The following PDGFRB variants were observed in gnomAD, a reference collection of about 807,000 sequenced individuals.
The protein encoded by PDGFRB is platelet-derived growth factor receptor beta.
A neutral mutation model predicts 120.2 loss-of-function variants in PDGFRB; 42 were observed. The observed-to-expected ratio is 0.35, with a 90% CI of 0.27 to 0.45. The LOEUF (loss-of-function observed/expected upper bound fraction) is 0.45, where lower values mean the gene tolerates loss of function less well. Among genes scored for constraint, PDGFRB ranks in the 20% least tolerant of loss-of-function variants. PDGFRB has a pLI of 1.00. For missense variants in PDGFRB, 1,149 were observed against 1,476.3 expected (o/e 0.78, Z 3.63); for synonymous variants, 586 against 606.8 (o/e 0.97, Z 0.50).
At chr5:150,137,210 A>G (rs745682944) in intron 1 of PDGFRB, 157 bp from the exon 2 acceptor site, 24 of 603,112 alleles carry the variant, frequency 4.0e-5, no homozygotes, top group Non-Finnish European at 7.1e-5. Flanking sequence ...CAAGCCTGAA[A>G]GGGCACTCAT....
intron 1 of PDGFRB, among the ~76,000 whole-genome samples, chr5:150,142,309 C>G (rs1760805632): frequency 6.6e-6 from 1 of 152,166 alleles, no homozygotes; most frequent in Non-Finnish European, 1.5e-5. Flanking sequence ...GGCTCAAGGC[C>G]CCAGGCTTCA....
intron 1 of PDGFRB, among the ~76,000 whole-genome samples, chr5:150,149,447 A>G (rs1419882539): frequency 1.3e-5 from 2 of 152,210 alleles, no homozygotes; most frequent in African/African-American, 4.8e-5. Flanking sequence ...GTACTCATGA[A>G]GCCATCTCTG....
intron 1 of PDGFRB, among the ~76,000 whole-genome samples, chr5:150,144,134 C>A (rs111239507): frequency 9.2e-5 from 14 of 152,146 alleles, no homozygotes; most frequent in Admixed American, 7.2e-4. Context: ...CCCTGCACCC[C>A]CTCCTCCAGC....
intron 12 of PDGFRB, 48 bp from the exon 13 acceptor site, chr5:150,124,879 C>G (rs1760250411): frequency 1.1e-6 from 1 of 919,748 alleles, no homozygotes; most frequent in African/African-American, 1.7e-5. Context: ...GGAAGCTGCA[C>G]CGCTCCCCCA....
chr5:150,127,852 A>AAAAAC (rs1760341903), intron 10 of PDGFRB, among the ~76,000 whole-genome samples: 2 of 150,498 alleles, frequency 1.3e-5, no homozygotes, highest in Non-Finnish European at 3.0e-5. Flanking sequence ...AAAAAAAAAA[A>AAAAAC]AAAAAAACTT....
At chr5:150,155,016 G>C (rs1451875342) in intron 1 of PDGFRB, among the ~76,000 whole-genome samples, 1 of 152,154 alleles carries the variant, frequency 6.6e-6, no homozygotes, top group African/African-American at 2.4e-5. Context: ...GAGGTCCCCA[G>C]TCCCCTGCTT....
intron 1 of PDGFRB, among the ~76,000 whole-genome samples, chr5:150,140,485 C>G (rs549166595): frequency 1.3e-5 from 2 of 152,334 alleles, no homozygotes; most frequent in Admixed American, 1.3e-4. Flanking sequence ...CCAGGAACCC[C>G]TCCTGATTCC....
At chr5:150,125,605 AT>A (rs1760273412) in intron 11 of PDGFRB, 28 bp from the exon 12 acceptor site, 1 of 1,612,470 alleles carries the variant, frequency 6.2e-7, no homozygotes. Flanking sequence ...GGAATTAGTT[AT>A]CAGAGGGAGT....
chr5:150,123,881 G>A (rs1020046580), intron 14 of PDGFRB, among the ~76,000 whole-genome samples: 1 of 152,192 alleles, frequency 6.6e-6, no homozygotes, highest in Non-Finnish European at 1.5e-5. Flanking sequence ...ATCAAATGAA[G>A]GTAGCTCCCA....
At chr5:150,118,550 T>C (rs1017299922) in intron 21 of PDGFRB, among the ~76,000 whole-genome samples, 197 bp downstream of exon 21, 1 of 152,186 alleles carries the variant, frequency 6.6e-6, no homozygotes, top group Non-Finnish European at 1.5e-5. Flanking sequence ...TAGGATTCCA[T>C]TTCATAAAGC....
chr5:150,127,856 A>AAC lies in PDGFRB; in HGVS notation c.1580-1243_1580-1242insGT, dbSNP rs1168063822. Among the ~76,000 whole-genome samples, 26 of 150,866 alleles carry AAC rather than the reference A, an allele frequency of 1.7e-4. 1 individual carries two copies. The highest frequency in any genetic ancestry group is 6.1e-4 in the African/African-American group (25 of 41,124). On this transcript the variant is annotated intron_variant, in intron 10 of 22. Transcript: ENST00000261799. ...CTTAAAAAAAAAAAAAAAAAAAAAA[A>AAC]AAACTTTGGATGCTTCCCCATGTTA... is the stretch of plus-strand genomic sequence containing the variant.
chr5:150,133,802 C>T (rs2113908904), intron 5 of PDGFRB, 42 bp from the exon 6 acceptor site: 3 of 1,611,920 alleles, frequency 1.9e-6, no homozygotes, highest in Non-Finnish European at 2.5e-6. Context: ...TCAGGAGGGG[C>T]CGGGGAGAAA....
At chr5:150,127,833 TAAAAAAAAAA>T (rs56899708) in intron 10 of PDGFRB, among the ~76,000 whole-genome samples, 1 of 62,434 alleles carries the variant, frequency 1.6e-5, no homozygotes, top group East Asian at 4.5e-4. Flanking sequence ...GACTCCATCT[TAAAAAAAAAA>T]AAAAAAAAAA....
At chr5:150,119,332 T>C (rs2113886663) in intron 20 of PDGFRB, 135 bp downstream of exon 20, 1 of 687,456 alleles carries the variant, frequency 1.5e-6, no homozygotes, top group East Asian at 2.5e-5. Flanking sequence ...ATCCTTTGAA[T>C]GGCTGGATCC....
intron 1 of PDGFRB, among the ~76,000 whole-genome samples, chr5:150,137,750 C>G (rs1198126825): frequency 6.6e-6 from 1 of 152,156 alleles, no homozygotes; most frequent in African/African-American, 2.4e-5. Flanking sequence ...AAGCCAGGCT[C>G]CCCCCACCCC....
chr5:150,121,818 TG>T lies in PDGFRB; in HGVS notation c.2344+61del. ...TTCTTCTCAGGGTTTTTGGCAAGGC[TG>T]GGCATGTGAAGAGCATCAGCCTGTT... On this transcript the variant is annotated intron_variant, in intron 16 of 22. Coordinates refer to ENST00000261799, the MANE Select transcript of PDGFRB (RefSeq NM_002609.4). This position sits in a 1 kb window ranked among gnomAD's most constrained non-coding sequence, Gnocchi z 4.1. 7.7e-7 allele frequency: 1 copy of T among 1,305,026 alleles called. No homozygotes were observed. The highest frequency in any genetic ancestry group is 1.1e-6 in the Non-Finnish European group (1 of 908,846). The allele number at this position is 1,305,026 out of a possible 1,614,324, so 80.8% of individuals were successfully genotyped here.
intron 3 of PDGFRB, 32 bp downstream of exon 3, chr5:150,135,522 TA>T: frequency 7.3e-7 from 1 of 1,378,398 alleles, no homozygotes; most frequent in Non-Finnish European, 1.0e-6. Context: ...ACAAGAGGGG[TA>T]AGGAGTGGGC....
In PDGFRB at chr5:150,155,707, G is replaced by C. The variant is rs574047167; in HGVS notation, c.-317C>G. 22 of 398,502 alleles carry C rather than the reference G, an allele frequency of 5.5e-5. No individual in the cohort carries two copies. The highest frequency in any genetic ancestry group is 9.7e-5 in the Non-Finnish European group (22 of 226,100). The allele number at this position is 398,502 out of a possible 1,614,324, so 24.7% of individuals were successfully genotyped here. A position where few individuals can be genotyped will look rare whatever the true frequency, so the allele number is the denominator to read the frequency against. ...GGGTCTGGCTGTCTGCGTTGGGCAG[G>C]GCGAGCACAGGCTGCTGCTGGGCAG... On this transcript the variant is annotated 5_prime_UTR_variant, in exon 1 of 23. Coordinates refer to ENST00000261799, the MANE Select transcript of PDGFRB (RefSeq NM_002609.4).
At chr5:150,137,422 G>A (rs1378415428) in intron 1 of PDGFRB, 5 of 196,154 alleles carry the variant, frequency 2.5e-5, no homozygotes, top group Non-Finnish European at 4.1e-5. Context: ...CCTGTCCTCC[G>A]GGTGACAGTT....
Sources: gnomAD v4.1 joint callset for allele counts (sites outside exome capture counted in the v4.1 genomes callset) on GRCh38, gnomAD v4.1.1 for gene constraint, Gnocchi (gnomAD v3.1) non-coding constraint, MANE v1.5 for transcripts, NCBI Gene and HGNC (gene_info 2026-07-23, HGNC 2026-07-21) for gene names.